Variants in RBFOX1 observed in about 807,000 individuals in gnomAD.
RBFOX1 encodes RNA binding fox-1 homolog 1.
A neutral mutation model predicts 57.7 loss-of-function variants in RBFOX1; 8 were observed. The ratio of observed to expected loss-of-function variants is 0.14; its 90% CI spans 0.08 to 0.25. The LOEUF is 0.25. RBFOX1 is among the 10% of genes least tolerant of loss of function. The probability of loss-of-function intolerance (pLI) is 1.00; values close to 1 mark genes in which losing one functional copy is unlikely to be tolerated. For synonymous variants in RBFOX1, 326 were observed against 222.4 expected (o/e 1.47, Z -4.15); for missense variants, 611 against 548.5 (o/e 1.11, Z -1.14).
chr16:7,390,068 T>G (rs1483459082), intron 4 of RBFOX1, among the ~76,000 whole-genome samples: 2 of 152,044 alleles, frequency 1.3e-5, no homozygotes, highest in African/African-American at 4.8e-5. Flanking sequence ...CATCCTCACA[T>G]GGCCAGCAGG....
intron 4 of RBFOX1, among the ~76,000 whole-genome samples, chr16:7,394,495 C>T (rs1161759955): frequency 6.6e-6 from 1 of 152,040 alleles, no homozygotes. Context: ...AGAGTCAAAC[C>T]CCCACACCTT....
intron 2 of RBFOX1, among the ~76,000 whole-genome samples, chr16:5,511,228 A>G (rs1234227792): frequency 1.3e-5 from 2 of 152,208 alleles, no homozygotes; most frequent in Non-Finnish European, 2.9e-5. Context: ...CATTTTAAAC[A>G]ATGGCTTGGC....
At chr16:5,898,246 T>G (rs2058215286) in intron 4 of RBFOX1, among the ~76,000 whole-genome samples, 1 of 152,070 alleles carries the variant, frequency 6.6e-6, no homozygotes. Flanking sequence ...AATTACCTCC[T>G]ACCAGGTCCC....
At chr16:7,639,562 A>G (rs1412858940) in intron 11 of RBFOX1, among the ~76,000 whole-genome samples, 4 of 152,276 alleles carry the variant, frequency 2.6e-5, no homozygotes, top group South Asian at 4.1e-4. Flanking sequence ...GTTGGCTTCT[A>G]TTATACCTAT....
intron 4 of RBFOX1, among the ~76,000 whole-genome samples, chr16:5,949,356 C>G (rs2059471005): frequency 6.6e-6 from 1 of 151,784 alleles, no homozygotes; most frequent in Non-Finnish European, 1.5e-5. Context: ...GAAACCCTGT[C>G]TGTACTAAAA....
intron 1 of RBFOX1, among the ~76,000 whole-genome samples, chr16:6,113,987 T>C (rs2096472599): frequency 6.6e-6 from 1 of 151,984 alleles, no homozygotes; most frequent in Admixed American, 6.6e-5. Context: ...GTCAAAGAGG[T>C]TTCACTTAGG....
intron 4 of RBFOX1, among the ~76,000 whole-genome samples, chr16:7,239,314 C>A (rs1041218506): frequency 1.3e-5 from 2 of 152,084 alleles, no homozygotes; most frequent in African/African-American, 4.8e-5. Context: ...GCCTGGACAA[C>A]ATGGTGAAAT....
chr16:5,881,154 G>A (rs547968489), intron 4 of RBFOX1, among the ~76,000 whole-genome samples: 3 of 152,272 alleles, frequency 2.0e-5, no homozygotes, highest in Admixed American at 2.0e-4. Flanking sequence ...AGGAACCCCT[G>A]TAGAATCTTG....
chr16:6,755,421 T>G (rs867518944), intron 3 of RBFOX1, among the ~76,000 whole-genome samples: 1 of 152,200 alleles, frequency 6.6e-6, no homozygotes, highest in African/African-American at 2.4e-5. Flanking sequence ...GGTATCTCAT[T>G]GTGGTTTTGA....
chr16:6,384,427 T>A (rs576009910), intron 2 of RBFOX1, among the ~76,000 whole-genome samples: 2 of 152,328 alleles, frequency 1.3e-5, no homozygotes, highest in South Asian at 4.1e-4. Flanking sequence ...AGCAATGGCA[T>A]CCCTGCTTTA....
intron 3 of RBFOX1, among the ~76,000 whole-genome samples, chr16:6,937,107 TAAAA>T (rs778233289): frequency 2.0e-5 from 3 of 151,742 alleles, no homozygotes; most frequent in African/African-American, 4.8e-5. Flanking sequence ...AAAAAATAAA[TAAAA>T]AAAGATCCAT....
chr16:6,176,029 G>A (rs898352769), intron 1 of RBFOX1, among the ~76,000 whole-genome samples: 1 of 152,162 alleles, frequency 6.6e-6, no homozygotes, highest in Non-Finnish European at 1.5e-5. Flanking sequence ...CTTTCCAGGG[G>A]AGGCTAATGG....
intron 3 of RBFOX1, among the ~76,000 whole-genome samples, chr16:6,959,869 G>A (rs944560442): frequency 6.6e-5 from 10 of 152,088 alleles, no homozygotes; most frequent in African/African-American, 9.7e-5. Flanking sequence ...CCTAGGAGGC[G>A]GACATGTAGT....
intron 4 of RBFOX1, among the ~76,000 whole-genome samples, chr16:5,919,008 T>G (rs892354661): frequency 3.9e-5 from 6 of 152,182 alleles, no homozygotes; most frequent in Non-Finnish European, 7.4e-5. Context: ...GCTGTGACCA[T>G]GGGATAATTT....
chr16:6,144,797 G>A (rs372043334), intron 1 of RBFOX1, among the ~76,000 whole-genome samples: 40 of 152,164 alleles, frequency 2.6e-4, no homozygotes, highest in African/African-American at 9.2e-4. Context: ...TCAGATAGAT[G>A]TTTTTGATGC....
intron 3 of RBFOX1, among the ~76,000 whole-genome samples, chr16:6,865,625 G>C (rs140044865): frequency 5.3e-4 from 81 of 152,214 alleles, no homozygotes; most frequent in African/African-American, 1.9e-3. Flanking sequence ...AGATACTATG[G>C]ACTGAGATGT....
intron 4 of RBFOX1, among the ~76,000 whole-genome samples, chr16:7,073,314 C>A (rs1016300472): frequency 6.6e-6 from 1 of 152,168 alleles, no homozygotes; most frequent in Non-Finnish European, 1.5e-5. Context: ...CAGCCAATCC[C>A]TTCCCTATAT....
chr16:7,515,545 G>A (rs780731028), intron 4 of RBFOX1, among the ~76,000 whole-genome samples: 1 of 151,920 alleles, frequency 6.6e-6, no homozygotes. Context: ...TAATTACCTG[G>A]AATGTGGTCA....
chr16:6,744,090 A>C (rs575759105), intron 3 of RBFOX1, among the ~76,000 whole-genome samples: 1 of 152,154 alleles, frequency 6.6e-6, no homozygotes, highest in Non-Finnish European at 1.5e-5. Context: ...TGAAGTAACT[A>C]TACTGATATC....
Sources: gnomAD v4.1 joint callset for allele counts (sites outside exome capture counted in the v4.1 genomes callset) on GRCh38, gnomAD v4.1.1 for gene constraint, MANE v1.5 for transcripts, NCBI Gene and HGNC (gene_info 2026-07-23, HGNC 2026-07-21) for gene names.